OPTN: variants seen among roughly 807,000 people sequenced by gnomAD.
OPTN encodes the protein E3-14.7K-interacting protein.
Under a neutral mutation model 70.4 loss-of-function variants are expected in OPTN, and 54 were observed. The observed-to-expected ratio is 0.77, with a 90% confidence interval of 0.62 to 0.96. OPTN has a LOEUF of 0.96. Ranked by LOEUF, OPTN falls within the 40% of genes least tolerant of loss-of-function variation. The probability of loss-of-function intolerance (pLI) is 0.00; values close to 1 mark genes in which losing one functional copy is unlikely to be tolerated. For missense variants in OPTN, 624 were observed against 673.2 expected (o/e 0.93, Z 0.81); for synonymous variants, 256 against 248.5 (o/e 1.03, Z -0.28).
chr10:13,104,691 A>G (rs1185419998), intron 1 of OPTN: 4 of 690,762 alleles, frequency 5.8e-6, no homozygotes, highest in Non-Finnish European at 8.2e-6. Context: ...AGATTCATAA[A>G]GGGATCAAGT....
intron 1 of OPTN, among the ~76,000 whole-genome samples, chr10:13,103,284 C>G (rs1337645923): frequency 2.0e-5 from 3 of 152,184 alleles, no homozygotes; most frequent in Non-Finnish European, 4.4e-5. Flanking sequence ...CAGTAGCCAA[C>G]TCTTGTCTCT....
At chr10:13,117,538 C>T (rs535545486) in intron 6 of OPTN, among the ~76,000 whole-genome samples, 3 of 150,846 alleles carry the variant, frequency 2.0e-5, no homozygotes, top group African/African-American at 2.4e-5. Context: ...GTCTGCCTCC[C>T]GGGTACAAGC....
chr10:13,115,904 A>C (rs1325966479), intron 5 of OPTN, among the ~76,000 whole-genome samples: 1 of 151,896 alleles, frequency 6.6e-6, no homozygotes, highest in African/African-American at 2.4e-5. Context: ...TAAAGGAAGG[A>C]TATGTGGAGT....
In OPTN at chr10:13,136,887, C is replaced by G; in HGVS notation, c.*21C>G. 1 of 1,613,996 alleles carries G rather than the reference C, an allele frequency of 6.2e-7. No individual in the cohort carries two copies. Among genetic ancestry groups the G allele is most frequent in the Non-Finnish European group, 8.5e-7 (1 of 1,179,922 alleles). On this transcript the variant is annotated 3_prime_UTR_variant, in exon 15 of 15. Transcript: ENST00000378747. ...TTTAAGTGTTGATGTATCACCTCCC[C>G]AAAACTGTTGGTAAATGTCAGATTT...
In OPTN at chr10:13,101,944, T is replaced by C. The variant is rs74119439; in HGVS notation, c.-164+1642T>C. Among the ~76,000 whole-genome samples the C allele has an allele frequency of 4.7e-3, 718 of 152,318 alleles. 7 individuals carry two copies. Among genetic ancestry groups the C allele is most frequent in the African/African-American group, 0.017 (700 of 41,556 alleles). ...TTTTCATTTCATTTCAACCAACATT[T>C]ACTGCAAGCCTGCTATGTGCCAGTC... On this transcript the variant is annotated intron_variant, in intron 1 of 14. Transcript: ENST00000378747.
At chr10:13,121,737 A>T (rs926795754) in intron 7 of OPTN, among the ~76,000 whole-genome samples, 4 of 151,966 alleles carry the variant, frequency 2.6e-5, no homozygotes, top group Non-Finnish European at 4.4e-5. Flanking sequence ...GTAAGGCCCC[A>T]CTCAGACCTG....
At chr10:13,104,425 C>CT (rs34844442) in intron 1 of OPTN, 1,819 of 148,308 alleles carry the variant, frequency 0.012, 48 homozygotes, top group African/African-American at 0.049. Flanking sequence ...CACCCAGCTA[C>CT]TTTTTTTTTT....
intron 1 of OPTN, among the ~76,000 whole-genome samples, chr10:13,105,941 T>C (rs1226533378): frequency 6.6e-6 from 1 of 150,924 alleles, no homozygotes; most frequent in Non-Finnish European, 1.5e-5. Flanking sequence ...AGGAAAAAAA[T>C]CTTAACAGTT....
intron 12 of OPTN, among the ~76,000 whole-genome samples, chr10:13,131,736 C>T (rs981856663): frequency 6.6e-6 from 1 of 152,184 alleles, no homozygotes; most frequent in Non-Finnish European, 1.5e-5. Context: ...ATTAAGTAAT[C>T]ATTTACTATA....
At chr10:13,124,146 A>G (rs2131513971) in intron 9 of OPTN, 36 bp downstream of exon 9, 1 of 1,249,146 alleles carries the variant, frequency 8.0e-7, no homozygotes, top group African/African-American at 1.5e-5. Flanking sequence ...CTCCTTTGAA[A>G]TATACATTTT....
chr10:13,122,634 T>C (rs1229025463), intron 8 of OPTN, 147 bp downstream of exon 8: 1 of 710,216 alleles, frequency 1.4e-6, no homozygotes, highest in Non-Finnish European at 2.6e-6. Flanking sequence ...TCCTTTTATA[T>C]GTCCTTGTCC....
chr10:13,102,845 A>AGGG, intron 1 of OPTN, among the ~76,000 whole-genome samples: 1 of 152,034 alleles, frequency 6.6e-6, no homozygotes. Flanking sequence ...TGGGAGGCTG[A>AGGG]GGTGGGAGAA....
chr10:13,123,826 A>T (rs1404721875), intron 8 of OPTN, among the ~76,000 whole-genome samples, 169 bp from the exon 9 acceptor site: 1 of 152,236 alleles, frequency 6.6e-6, no homozygotes, highest in Admixed American at 6.5e-5. Context: ...AGTACCAAGT[A>T]TCCAAAACAT....
At chr10:13,126,099 T>A in intron 11 of OPTN, 60 bp downstream of exon 11, 1 of 1,005,476 alleles carries the variant, frequency 9.9e-7, no homozygotes, top group South Asian at 1.3e-5. Context: ...GTTGAACGTT[T>A]TGTATATAAA....
intron 12 of OPTN, among the ~76,000 whole-genome samples, chr10:13,129,408 A>G (rs1833543655): frequency 6.6e-6 from 1 of 151,018 alleles, no homozygotes; most frequent in Non-Finnish European, 1.5e-5. Flanking sequence ...GCTGGAGTGC[A>G]GTGGCACGAT....
intron 3 of OPTN, chr10:13,109,545 G>T (rs1331282626): frequency 2.2e-6 from 1 of 457,776 alleles, no homozygotes; most frequent in Non-Finnish European, 4.0e-6. Context: ...GGAAAAAGAG[G>T]CTGGGCGTGG....
intron 7 of OPTN, among the ~76,000 whole-genome samples, chr10:13,121,641 T>C (rs1181088097): frequency 6.6e-6 from 1 of 152,140 alleles, no homozygotes; most frequent in Non-Finnish European, 1.5e-5. Flanking sequence ...CACTCATGCT[T>C]GAGTGTCCTG....
intron 4 of OPTN, 118 bp from the exon 5 acceptor site, chr10:13,112,335 C>A (rs1289068961): frequency 1.5e-5 from 14 of 952,840 alleles, no homozygotes; most frequent in Admixed American, 9.9e-5. Context: ...TCTCAAAATC[C>A]TGGCCTCAAG....
At chr10:13,126,666 T>C (rs1462208371) in intron 11 of OPTN, among the ~76,000 whole-genome samples, 2 of 152,134 alleles carry the variant, frequency 1.3e-5, no homozygotes, top group Admixed American at 1.3e-4. Flanking sequence ...CTCTGGGGAA[T>C]TGTGCAAGAC....
Sources: allele counts gnomAD v4.1 joint callset (sites outside exome capture counted in the v4.1 genomes callset), GRCh38; gene constraint gnomAD v4.1.1; transcripts MANE v1.5; gene names NCBI Gene and HGNC (gene_info 2026-07-23, HGNC 2026-07-21).